The following ANO3 variants were observed in gnomAD, a reference collection of about 807,000 sequenced individuals.
ANO3 encodes anoctamin-3.
In ANO3, 99 loss-of-function variants were observed where a neutral mutation model predicts 144.8. That is an observed-to-expected ratio of 0.68 (90% CI 0.58 to 0.81). The LOEUF is 0.81. ANO3 is among the 30% of genes least tolerant of loss of function. The pLI is 0.00. For missense variants in ANO3, 905 were observed against 1,202.2 expected (o/e 0.75, Z 3.66); for synonymous variants, 414 against 392.6 (o/e 1.05, Z -0.64).
rs78875793 is a variant in ANO3, at chr11:26,385,806, G to A, written c.46+53485G>A. ...CTGGAAACATCAATTTGAGTGTGAT[G>A]TCCAAGTTTCACACACATACACACA... On this transcript the variant is annotated intron_variant, in intron 1 of 26. Transcript: ENST00000256737. 9.5e-3 allele frequency among the ~76,000 whole-genome samples: 1,372 copies of A among 143,668 alleles called. 15 individuals carry two copies. The highest frequency in any genetic ancestry group is 0.034 in the African/African-American group (1,266 of 36,798). 94.3% of individuals were successfully genotyped at this position (143,668 alleles called of 152,430 possible).
Position 26,484,428 on chromosome 11 carries a change from A to G in ANO3, c.432+21280A>G, listed in dbSNP as rs1041408291. Among the ~76,000 whole-genome samples the G allele has an allele frequency of 6.6e-5, 10 of 152,232 alleles. 1 individual carries two copies. Among genetic ancestry groups the G allele is most frequent in the Admixed American group, 5.2e-4 (8 of 15,288 alleles). Reference sequence around the variant, plus strand: ...ACTGCTCCAGCAGGTGGAAGCCACAAGTCATGGCAGCTTCCATGTGGTGTT... The same window carrying G: ...ACTGCTCCAGCAGGTGGAAGCCACAGGTCATGGCAGCTTCCATGTGGTGTT... On this transcript the variant is annotated intron_variant, in intron 4 of 26. Transcript: ENST00000256737.
intron 4 of ANO3, among the ~76,000 whole-genome samples, chr11:26,505,670 A>T (rs1052347056): frequency 1.1e-4 from 17 of 152,174 alleles, no homozygotes; most frequent in African/African-American, 4.1e-4. Flanking sequence ...CTGCAGGAAG[A>T]TAAATTTAAG....
At position 26,342,174 on chromosome 11, in the gene ANO3, A is replaced by G. The variant is rs549258221; in HGVS notation, c.46+9853A>G. 2.0e-4 allele frequency among the ~76,000 whole-genome samples: 31 copies of G among 152,316 alleles called. No homozygotes were observed. The South Asian group carries it at 6.2e-3, about 31-fold the overall frequency. ...CAACCGGGAGTGGTGGAGCTAAGGT[A>G]CCTATCTTGTTGGCAGAAATATGAG... On this transcript the variant is annotated intron_variant, in intron 1 of 26. Transcript: ENST00000256737.
Position 26,643,339 on chromosome 11 carries a change from G to A in ANO3, c.2428+5G>A. 6.2e-7 allele frequency: 1 copy of A among 1,613,492 alleles called. No homozygotes were observed. Among genetic ancestry groups the A allele is most frequent in the Non-Finnish European group, 8.5e-7 (1 of 1,179,830 alleles). The stretch of plus-strand genomic sequence containing the variant: ...CAGCCCGAGCAACTGACATAGGTAA[G>A]ATTCGGAAGTTAAATGATTTTTACG... On this transcript the variant is annotated splice_donor_5th_base_variant and intron_variant, in intron 23 of 26. Transcript: ENST00000256737.
At position 26,656,454 on chromosome 11, in the gene ANO3, T is replaced by C; in HGVS notation, c.2736T>C (p.Ala912=). Residue 912 remains alanine (A), a synonymous_variant, in exon 26 of 27, where the codon GCT becomes GCC. Transcript: ENST00000256737. ...TACAATACTGGCATATCCTTGCTGC[T>C]AGATTGGCCTTCATTATTGTGTTTG... ...FTLQYWHILA[A]RLAFIIVFEH... 1 of 1,610,414 alleles carries C rather than the reference T, an allele frequency of 6.2e-7. No individual in the cohort carries two copies. The highest frequency in any genetic ancestry group is 1.3e-5 in the African/African-American group (1 of 74,976).
At chr11:26,497,482 C>G (rs1412907369) in intron 4 of ANO3, among the ~76,000 whole-genome samples, 1 of 152,048 alleles carries the variant, frequency 6.6e-6, no homozygotes, top group East Asian at 1.9e-4. Context: ...GAGATACTAT[C>G]TTACACCAGA....
chr11:26,262,624 A>G (rs1250934437), intron 1 of ANO3, among the ~76,000 whole-genome samples: 1 of 152,010 alleles, frequency 6.6e-6, no homozygotes, highest in Non-Finnish European at 1.5e-5. Flanking sequence ...CTAACACCCA[A>G]TGTAATGGTA....
chr11:26,515,528 C>T (rs72873034), intron 5 of ANO3, among the ~76,000 whole-genome samples: 3,442 of 151,922 alleles, frequency 0.023, 52 homozygotes, highest in Non-Finnish European at 0.033. Context: ...TGTTTAGAAA[C>T]ATTGGTAATA....
intron 17 of ANO3, among the ~76,000 whole-genome samples, chr11:26,605,381 C>T (rs142224565): frequency 0.013 from 1,969 of 151,918 alleles, 46 homozygotes; most frequent in African/African-American, 0.045. Context: ...ATTGGCCTGA[C>T]ATTTTCTTTT....
At chr11:26,606,216 T>C (rs1851932598) in intron 17 of ANO3, among the ~76,000 whole-genome samples, 1 of 151,656 alleles carries the variant, frequency 6.6e-6, no homozygotes, top group Non-Finnish European at 1.5e-5. Context: ...TTCAGTTCAC[T>C]TTCTATGTAG....
chr11:26,545,093 A>T (rs1565094358), intron 11 of ANO3, among the ~76,000 whole-genome samples: 1 of 152,062 alleles, frequency 6.6e-6, no homozygotes, highest in Non-Finnish European at 1.5e-5. Context: ...ATTTTTCTAC[A>T]ACCAGAAGAA....
intron 4 of ANO3, among the ~76,000 whole-genome samples, chr11:26,472,668 G>A (rs541391068): frequency 6.6e-6 from 1 of 151,892 alleles, no homozygotes; most frequent in African/African-American, 2.4e-5. Context: ...TTTTTTCAAT[G>A]TTTTATACTT....
intron 1 of ANO3, among the ~76,000 whole-genome samples, chr11:26,348,262 A>G (rs1440942203): frequency 6.6e-6 from 1 of 152,220 alleles, no homozygotes; most frequent in Non-Finnish European, 1.5e-5. Flanking sequence ...ATAACTTATA[A>G]CCACAACAGT....
At chr11:26,634,647 A>G (rs930288051) in intron 19 of ANO3, among the ~76,000 whole-genome samples, 1 of 152,184 alleles carries the variant, frequency 6.6e-6, no homozygotes, top group Non-Finnish European at 1.5e-5. Context: ...CTGCTTTGCC[A>G]TATGCTTAAC....
At chr11:26,346,373 A>C (rs1351536584) in intron 1 of ANO3, among the ~76,000 whole-genome samples, 1 of 152,210 alleles carries the variant, frequency 6.6e-6, no homozygotes, top group Non-Finnish European at 1.5e-5. Context: ...AGGGCTATTG[A>C]CAAGAGATTC....
At position 26,490,170 on chromosome 11, in the gene ANO3, T is replaced by G. The variant is rs765966871; in HGVS notation, c.433-17934T>G. On this transcript the variant is annotated intron_variant, in intron 4 of 26. Transcript: ENST00000256737. ...GCTGGTTTTTCCTGTGCTATTCTTG[T>G]GATAGTGAATAAGTCTCGTGAGATC... 3.3e-5 allele frequency among the ~76,000 whole-genome samples: 5 copies of G among 152,264 alleles called. No homozygotes were observed. The East Asian group carries it at 9.7e-4, about 29-fold the overall frequency.
intron 1 of ANO3, among the ~76,000 whole-genome samples, chr11:26,428,277 A>T (rs1857977839): frequency 6.6e-6 from 1 of 152,210 alleles, no homozygotes; most frequent in African/African-American, 2.4e-5. Flanking sequence ...AATTAAAGAA[A>T]AGACAAACCT....
Position 26,283,382 on chromosome 11 carries a change from G to C in ANO3, c.155-26263G>C, listed in dbSNP as rs143038799. 4.7e-3 allele frequency among the ~76,000 whole-genome samples: 541 copies of C among 115,172 alleles called. 2 individuals carry two copies. Among genetic ancestry groups the C allele is most frequent in the African/African-American group, 0.015 (520 of 33,862 alleles). The allele number at this position is 115,172 out of a possible 152,430, so 75.6% of individuals were successfully genotyped here. A position where few individuals can be genotyped will look rare whatever the true frequency, so the allele number is the denominator to read the frequency against. On this transcript the variant is annotated intron_variant, in intron 1 of 27. Transcript: ENST00000672621. ...TATATATATAGCGAGCATTTTTTCTGTTCTTAGAAGGTCCAGGGGAAACGA... is the reference window on the plus strand; with the variant it reads ...TATATATATAGCGAGCATTTTTTCTCTTCTTAGAAGGTCCAGGGGAAACGA...
At chr11:26,356,563 A>T (rs1386499601) in intron 1 of ANO3, among the ~76,000 whole-genome samples, 2 of 152,180 alleles carry the variant, frequency 1.3e-5, no homozygotes, top group Admixed American at 1.3e-4. Context: ...TATGTTGTAT[A>T]TATGAATTGC....
Sources: gnomAD v4.1 joint callset for allele counts (sites outside exome capture counted in the v4.1 genomes callset) on GRCh38, gnomAD v4.1.1 for gene constraint, MANE v1.5 for transcripts, NCBI Gene and HGNC (gene_info 2026-07-23, HGNC 2026-07-21) for gene names.